TBL1XR1: variants seen among roughly 807,000 people sequenced by gnomAD.
TBL1XR1 encodes F-box-like/WD repeat-containing protein TBL1XR1.
Under a neutral mutation model 66.9 loss-of-function variants are expected in TBL1XR1, and 5 were observed. The ratio of observed to expected loss-of-function variants is 0.07; its 90% confidence interval spans 0.04 to 0.16. TBL1XR1 has a LOEUF of 0.16. Among genes scored for constraint, TBL1XR1 ranks in the 10% least tolerant of loss-of-function variants. The pLI is 1.00. For synonymous variants in TBL1XR1, 210 were observed against 206.0 expected (o/e 1.02, Z -0.17); for missense variants, 238 against 623.2 (o/e 0.38, Z 6.58).
intron 9 of TBL1XR1, 55 bp from the exon 10 acceptor site, chr3:177,046,244 G>T: frequency 3.0e-6 from 4 of 1,327,226 alleles, no homozygotes; most frequent in Non-Finnish European, 4.1e-6. Context: ...TAACATACAT[G>T]TGTAAAGTAT....
intron 3 of TBL1XR1, among the ~76,000 whole-genome samples, chr3:177,058,845 C>G (rs1718146280): frequency 6.6e-6 from 1 of 151,950 alleles, no homozygotes; most frequent in Non-Finnish European, 1.5e-5. Flanking sequence ...AGTGTGCTAG[C>G]AGGAATGTGT....
intron 1 of TBL1XR1, among the ~76,000 whole-genome samples, chr3:177,157,887 A>C (rs1274438100): frequency 6.6e-6 from 1 of 152,236 alleles, no homozygotes; most frequent in Non-Finnish European, 1.5e-5. Flanking sequence ...ACATTTGTAT[A>C]TTATTCAAAT....
At chr3:177,164,350 ATT>A (rs34088456) in intron 1 of TBL1XR1, among the ~76,000 whole-genome samples, 11 of 142,740 alleles carry the variant, frequency 7.7e-5, no homozygotes, top group African/African-American at 7.7e-5. Flanking sequence ...CCTATTTTCA[ATT>A]TTTTTTTTTT....
At chr3:177,072,139 T>C (rs1359760635) in intron 2 of TBL1XR1, among the ~76,000 whole-genome samples, 1 of 152,186 alleles carries the variant, frequency 6.6e-6, no homozygotes, top group East Asian at 1.9e-4. Context: ...CACACAGCAA[T>C]GTACTTCACT....
At chr3:177,078,407 C>G (rs1201283700) in intron 2 of TBL1XR1, among the ~76,000 whole-genome samples, 1 of 149,556 alleles carries the variant, frequency 6.7e-6, no homozygotes, top group Admixed American at 6.6e-5. Flanking sequence ...GACCCAGGAT[C>G]TACAAAAAAA....
At chr3:177,186,897 T>G (rs982657684) in intron 1 of TBL1XR1, among the ~76,000 whole-genome samples, 2 of 151,948 alleles carry the variant, frequency 1.3e-5, no homozygotes, top group Non-Finnish European at 2.9e-5. Context: ...CCAGGCGTGG[T>G]GGCTCACGCC....
At chr3:177,188,200 G>T (rs1241632322) in intron 1 of TBL1XR1, among the ~76,000 whole-genome samples, 1 of 151,860 alleles carries the variant, frequency 6.6e-6, no homozygotes, top group Non-Finnish European at 1.5e-5. Context: ...AAAGTGCTGG[G>T]ATTACAGGCA....
intron 1 of TBL1XR1, chr3:177,131,254 C>T: frequency 2.8e-6 from 2 of 723,490 alleles, no homozygotes; most frequent in Non-Finnish European, 3.4e-6. Flanking sequence ...AGACACATAG[C>T]AACACACACA....
intron 1 of TBL1XR1, among the ~76,000 whole-genome samples, chr3:177,137,659 GAA>G (rs764204287): frequency 4.0e-4 from 61 of 152,170 alleles, no homozygotes; most frequent in Admixed American, 6.5e-4. Flanking sequence ...AAAATGAAGG[GAA>G]AAGATTTAAA....
chr3:177,176,046 G>A (rs1401041572), intron 1 of TBL1XR1, among the ~76,000 whole-genome samples: 34 of 147,118 alleles, frequency 2.3e-4, no homozygotes, highest in African/African-American at 6.1e-4. Flanking sequence ...GCAACAGAGC[G>A]AGACTCTGTC....
intron 2 of TBL1XR1, among the ~76,000 whole-genome samples, chr3:177,091,520 A>T (rs754034052): frequency 6.6e-6 from 1 of 152,158 alleles, no homozygotes; most frequent in Admixed American, 6.5e-5. Context: ...TTTGGCCAAC[A>T]TGTTGTTTTG....
intron 4 of TBL1XR1, among the ~76,000 whole-genome samples, chr3:177,052,110 T>C (rs926752542): frequency 6.6e-6 from 1 of 152,222 alleles, no homozygotes; most frequent in African/African-American, 2.4e-5. Flanking sequence ...GGTGCCCCAT[T>C]ATAGTAAATA....
At chr3:177,028,139 T>A (rs867953998) in intron 14 of TBL1XR1, among the ~76,000 whole-genome samples, 1 of 152,194 alleles carries the variant, frequency 6.6e-6, no homozygotes, top group Non-Finnish European at 1.5e-5. Flanking sequence ...CAAATTTGTA[T>A]GTATGCTGGC....
chr3:177,097,710 T>A lies in TBL1XR1; in HGVS notation c.-46+756A>T, dbSNP rs566423841. Among the ~76,000 whole-genome samples the A allele has an allele frequency of 2.0e-5, 3 of 152,254 alleles. No homozygotes were observed. The South Asian group carries it at 6.2e-4, about 32-fold the overall frequency. On this transcript the variant is annotated intron_variant, in intron 2 of 15. Coordinates refer to ENST00000457928, the MANE Select transcript of TBL1XR1 (RefSeq NM_024665.7). ...TTAAATGCACATAACTAAAAAATAT[T>A]AGGATAAATGCAATACACAAAAACA...
chr3:177,138,366 G>A (rs1379478373), intron 1 of TBL1XR1, among the ~76,000 whole-genome samples: 4 of 152,066 alleles, frequency 2.6e-5, no homozygotes, highest in African/African-American at 4.8e-5. Flanking sequence ...AGGCCGAGGT[G>A]GGAGAACTGA....
At chr3:177,186,172 A>ATAAC (rs1735381350) in intron 1 of TBL1XR1, among the ~76,000 whole-genome samples, 1 of 152,186 alleles carries the variant, frequency 6.6e-6, no homozygotes, top group African/African-American at 2.4e-5. Flanking sequence ...ACACAATACA[A>ATAAC]TAACAGTCTG....
At chr3:177,164,387 T>A (rs1341792728) in intron 1 of TBL1XR1, among the ~76,000 whole-genome samples, 2 of 151,838 alleles carry the variant, frequency 1.3e-5, no homozygotes, top group Non-Finnish European at 2.9e-5. Flanking sequence ...GTCTTGCCTG[T>A]CGCCCAGGCT....
chr3:177,187,390 C>CAAA (rs57592940), intron 1 of TBL1XR1, among the ~76,000 whole-genome samples: 8 of 68,656 alleles, frequency 1.2e-4, no homozygotes, highest in East Asian at 5.7e-4. Context: ...GACTCTATCT[C>CAAA]AAAAAAAAAA....
intron 2 of TBL1XR1, among the ~76,000 whole-genome samples, chr3:177,080,736 G>A (rs1226847235): frequency 6.6e-6 from 1 of 152,026 alleles, no homozygotes; most frequent in East Asian, 1.9e-4. Context: ...AATAGGTCCT[G>A]GTACCTCAAA....
Sources: gnomAD v4.1 joint callset for allele counts (sites outside exome capture counted in the v4.1 genomes callset) on GRCh38, gnomAD v4.1.1 for gene constraint, MANE v1.5 for transcripts, NCBI Gene and HGNC (gene_info 2026-07-23, HGNC 2026-07-21) for gene names.